CNTN5: variants seen among roughly 807,000 people sequenced by gnomAD.
CNTN5 encodes contactin-5.
In CNTN5, 77 loss-of-function variants were observed where a neutral mutation model predicts 129.1. The ratio of observed to expected loss-of-function variants is 0.60; its 90% CI spans 0.50 to 0.72. The LOEUF is 0.72. CNTN5 is among the 30% of genes least tolerant of loss of function. CNTN5 has a pLI of 0.00. For synonymous variants in CNTN5, 509 were observed against 465.6 expected (o/e 1.09, Z -1.20); for missense variants, 1,478 against 1,328.8 (o/e 1.11, Z -1.75).
At chr11:100,277,852 G>A (rs1185618305) in intron 18 of CNTN5, among the ~76,000 whole-genome samples, 1 of 151,864 alleles carries the variant, frequency 6.6e-6, no homozygotes, top group South Asian at 2.1e-4. Context: ...TTAGTTTTCT[G>A]TGCTTGTGGT....
At chr11:99,913,334 A>G (rs1002336645) in intron 6 of CNTN5, among the ~76,000 whole-genome samples, 2 of 152,028 alleles carry the variant, frequency 1.3e-5, no homozygotes, top group Admixed American at 1.3e-4. Flanking sequence ...GACCACTTTT[A>G]CATTGTAGAT....
chr11:99,637,545 A>G (rs1951607313), intron 3 of CNTN5, among the ~76,000 whole-genome samples: 1 of 152,130 alleles, frequency 6.6e-6, no homozygotes, highest in Admixed American at 6.5e-5. Flanking sequence ...ATAAAGTTAC[A>G]TATAGGGGTT....
At chr11:100,298,450 T>C (rs886534305) in intron 19 of CNTN5, among the ~76,000 whole-genome samples, 4 of 151,380 alleles carry the variant, frequency 2.6e-5, no homozygotes, top group African/African-American at 9.7e-5. Context: ...GCTTTGTTTC[T>C]TTGCCACCAC....
intron 13 of CNTN5, among the ~76,000 whole-genome samples, chr11:100,115,056 C>G (rs1410143292): frequency 6.7e-6 from 1 of 148,760 alleles, no homozygotes. Context: ...GCCTCCTCTC[C>G]CATGGCCAAA....
At chr11:99,125,936 C>T (rs1374915040) in intron 1 of CNTN5, among the ~76,000 whole-genome samples, 1 of 151,996 alleles carries the variant, frequency 6.6e-6, no homozygotes, top group Non-Finnish European at 1.5e-5. Context: ...GGCTCTAATT[C>T]GTACAATTCC....
chr11:99,614,203 C>G (rs927885843), intron 3 of CNTN5, among the ~76,000 whole-genome samples: 2 of 152,124 alleles, frequency 1.3e-5, no homozygotes, highest in African/African-American at 4.8e-5. Context: ...CTCCTATGTG[C>G]TTGTTTTTAC....
chr11:99,041,442 T>C (rs1863979917), intron 1 of CNTN5, among the ~76,000 whole-genome samples: 1 of 152,168 alleles, frequency 6.6e-6, no homozygotes, highest in Non-Finnish European at 1.5e-5. Context: ...CTTCACTCAT[T>C]TGTATGCATG....
chr11:99,466,832 T>C (rs1944963444), intron 2 of CNTN5, among the ~76,000 whole-genome samples: 1 of 152,124 alleles, frequency 6.6e-6, no homozygotes, highest in African/African-American at 2.4e-5. Context: ...TTTTGATTTT[T>C]TTTTAAATAC....
chr11:100,054,534 A>AC (rs1943118739), intron 9 of CNTN5, among the ~76,000 whole-genome samples: 1 of 151,790 alleles, frequency 6.6e-6, no homozygotes, highest in Admixed American at 6.6e-5. Context: ...GTTTCAGATT[A>AC]CCTTTCTAAG....
chr11:100,083,628 C>A (rs1944445244), intron 13 of CNTN5, among the ~76,000 whole-genome samples: 1 of 152,062 alleles, frequency 6.6e-6, no homozygotes, highest in Non-Finnish European at 1.5e-5. Flanking sequence ...TCACACTCTG[C>A]CAAATAGTTG....
At chr11:99,126,481 A>G (rs1488915024) in intron 1 of CNTN5, among the ~76,000 whole-genome samples, 1 of 152,198 alleles carries the variant, frequency 6.6e-6, no homozygotes, top group Non-Finnish European at 1.5e-5. Flanking sequence ...TCTCCTGAAT[A>G]GGTAGAGGAA....
At chr11:99,344,425 T>C (rs981214807) in intron 2 of CNTN5, among the ~76,000 whole-genome samples, 2 of 152,200 alleles carry the variant, frequency 1.3e-5, no homozygotes, top group Non-Finnish European at 2.9e-5. Flanking sequence ...ACACATTGTT[T>C]CATTTTTTAA....
rs78306247 is a variant in CNTN5 at position 99,252,267 on chromosome 11, G to T, written c.-209-73079G>T. ...CCCAGACCTTAACTATAGCTTATTTGTCGAGGCCAGGTATCCTTGAGTTCT... is the reference window on the plus strand; with the variant it reads ...CCCAGACCTTAACTATAGCTTATTTTTCGAGGCCAGGTATCCTTGAGTTCT... On this transcript the variant is annotated intron_variant, in intron 1 of 24. Transcript: ENST00000524871. 1.8e-4 allele frequency among the ~76,000 whole-genome samples: 27 copies of T among 151,610 alleles called. No individual in the cohort carries two copies. In the East Asian group the frequency reaches 5.1e-3, roughly 28 times the overall value.
intron 3 of CNTN5, among the ~76,000 whole-genome samples, chr11:99,754,497 A>G (rs970743279): frequency 4.6e-5 from 7 of 152,174 alleles, no homozygotes; most frequent in Non-Finnish European, 8.8e-5. Flanking sequence ...TGTACTCCTA[A>G]AAGTTTACAC....
chr11:99,994,511 A>C (rs2137431080), intron 8 of CNTN5, among the ~76,000 whole-genome samples: 1 of 152,242 alleles, frequency 6.6e-6, no homozygotes, highest in South Asian at 2.1e-4. Flanking sequence ...TATTTTCCAA[A>C]TTTGACCTTC....
intron 3 of CNTN5, among the ~76,000 whole-genome samples, chr11:99,598,664 C>T (rs1950220896): frequency 6.6e-6 from 1 of 151,168 alleles, no homozygotes; most frequent in African/African-American, 2.4e-5. Flanking sequence ...CCAGCACTTC[C>T]AGTTTAGCAC....
At chr11:99,488,624 TTCTG>T (rs1465408241) in intron 2 of CNTN5, among the ~76,000 whole-genome samples, 1 of 152,202 alleles carries the variant, frequency 6.6e-6, no homozygotes, top group African/African-American at 2.4e-5. Context: ...ACTTTCTACA[TTCTG>T]TCTGCATCCA....
chr11:99,336,533 A>G (rs1307553713), intron 2 of CNTN5, among the ~76,000 whole-genome samples: 1 of 152,122 alleles, frequency 6.6e-6, no homozygotes, highest in Non-Finnish European at 1.5e-5. Flanking sequence ...TTAATGTCTT[A>G]TAAACTAGAC....
intron 3 of CNTN5, among the ~76,000 whole-genome samples, chr11:99,732,162 C>A (rs1591055080): frequency 6.6e-6 from 1 of 151,898 alleles, no homozygotes; most frequent in African/African-American, 2.4e-5. Context: ...AAGGTTTATG[C>A]AAAGAAGTTG....
Sources: gnomAD v4.1 joint callset for allele counts (sites outside exome capture counted in the v4.1 genomes callset) on GRCh38, gnomAD v4.1.1 for gene constraint, MANE v1.5 for transcripts, NCBI Gene and HGNC (gene_info 2026-07-23, HGNC 2026-07-21) for gene names.